Variants in KANSL1L observed in about 807,000 individuals in gnomAD.
KANSL1L encodes KAT8 regulatory NSL complex subunit 1-like protein.
Under a neutral mutation model 108.6 loss-of-function variants are expected in KANSL1L, and 25 were observed. That is an observed-to-expected ratio of 0.23 (90% CI 0.17 to 0.32). The LOEUF (loss-of-function observed/expected upper bound fraction) is 0.32. Among genes scored for constraint, KANSL1L ranks in the 10% least tolerant of loss-of-function variants. KANSL1L has a pLI of 1.00. For synonymous variants in KANSL1L, 405 were observed against 395.1 expected, an observed-to-expected ratio of 1.03 and a Z score of -0.30; for missense variants, 1,137 against 1,125.7, an observed-to-expected ratio of 1.01 and a Z score of -0.14.
chr2:210,065,579 ATTTT>A (rs57999970), intron 6 of KANSL1L, among the ~76,000 whole-genome samples: 3 of 64,916 alleles, frequency 4.6e-5, no homozygotes, highest in African/African-American at 5.4e-5. Flanking sequence ...CCTGGACATG[ATTTT>A]TTTTTTTTTT....
chr2:210,100,442 G>A (rs555269437), intron 4 of KANSL1L, among the ~76,000 whole-genome samples: 46 of 152,234 alleles, frequency 3.0e-4, no homozygotes, highest in African/African-American at 1.1e-3. Flanking sequence ...ATGAATCAAT[G>A]TTATTTTTTA....
intron 5 of KANSL1L, among the ~76,000 whole-genome samples, chr2:210,076,800 T>C (rs2094545796): frequency 6.6e-6 from 1 of 151,908 alleles, no homozygotes; most frequent in African/African-American, 2.4e-5. Context: ...ATATATACAA[T>C]AATTAAGCTT....
chr2:210,171,752 G>C (rs1688355510), upstream of KANSL1L: 1 of 152,040 alleles, frequency 6.6e-6, no homozygotes. Flanking sequence ...GGAAAAGTCA[G>C]GCGACTTCAT....
chr2:210,159,901 C>T (rs748394920), intron 1 of KANSL1L, among the ~76,000 whole-genome samples: 1 of 152,122 alleles, frequency 6.6e-6, no homozygotes, highest in East Asian at 1.9e-4. Context: ...CTGGGTGTGG[C>T]GGTGGGCACC....
intron 6 of KANSL1L, among the ~76,000 whole-genome samples, chr2:210,062,744 T>G (rs1459094639): frequency 6.6e-6 from 1 of 152,120 alleles, no homozygotes; most frequent in Non-Finnish European, 1.5e-5. Context: ...GGGTATCTGG[T>G]GGAAGAAATT....
rs1351893522 is a variant in KANSL1L, at chr2:210,079,650, A to G, written c.1551-3894T>C. 1.4e-3 allele frequency among the ~76,000 whole-genome samples: 28 copies of G among 19,512 alleles called. 1 individual carries two copies. Among genetic ancestry groups the G allele is most frequent in the African/African-American group, 4.4e-3 (25 of 5,742 alleles). The allele number at this position is 19,512 out of a possible 152,430, so 12.8% of individuals were successfully genotyped here. A position where few individuals can be genotyped will look rare whatever the true frequency, so the allele number is the denominator to read the frequency against. ...TATATATATATATATATATATATAT[A>G]TATATATATATATATGTATGTGTGT... is the stretch of plus-strand genomic sequence containing the variant. On this transcript the variant is annotated intron_variant, in intron 5 of 14. Coordinates refer to ENST00000281772, the MANE Select transcript of KANSL1L (RefSeq NM_152519.4).
chr2:210,075,734 G>C lies in KANSL1L; in HGVS notation c.1573C>G (p.Leu525Val), dbSNP rs778379195. Residue 525 changes from leucine (L) to valine (V), a missense_variant, in exon 6 of 15, where the codon CTG becomes GTG. Transcript: ENST00000281772. The part of the protein sequence containing the change: ...YRSASENLDE[L>V]SSSSSWLLNQ... ...AGTAACCAGCTACTGGAGGAAGACA[G>C]CTCATCTAAATTCTCTGATGCACTG... is the stretch of plus-strand genomic sequence containing the variant. 1.2e-6 allele frequency: 2 copies of C among 1,613,448 alleles called. No individual in the cohort carries two copies. Among genetic ancestry groups the C allele is most frequent in the Admixed American group, 3.3e-5 (2 of 59,972 alleles).
chr2:210,094,413 T>C (rs1013069844), intron 5 of KANSL1L, among the ~76,000 whole-genome samples: 1 of 152,040 alleles, frequency 6.6e-6, no homozygotes, highest in African/African-American at 2.4e-5. Context: ...CTAAAAACCT[T>C]TGAATCTGAA....
chr2:210,051,273 C>CT (rs1220455764), intron 6 of KANSL1L, among the ~76,000 whole-genome samples: 1 of 152,108 alleles, frequency 6.6e-6, no homozygotes, highest in Non-Finnish European at 1.5e-5. Flanking sequence ...TCCATATTCA[C>CT]TTTTGAATGT....
intron 3 of KANSL1L, among the ~76,000 whole-genome samples, chr2:210,113,260 C>T (rs1184966456): frequency 1.3e-5 from 2 of 151,992 alleles, no homozygotes. Context: ...GGGAGCCAGA[C>T]ATTAAAAGCA....
intron 5 of KANSL1L, chr2:210,096,719 T>C (rs1317374763): frequency 1.0e-6 from 1 of 956,264 alleles, no homozygotes; most frequent in Non-Finnish European, 1.2e-6. Flanking sequence ...ATAGTTATCC[T>C]ATACAATATG....
chr2:210,150,304 G>C (rs1186456524), intron 2 of KANSL1L, among the ~76,000 whole-genome samples: 1 of 151,766 alleles, frequency 6.6e-6, no homozygotes, highest in Non-Finnish European at 1.5e-5. Context: ...TGGCAGAGTT[G>C]GTGAAAAATA....
At chr2:210,133,484 T>C (rs1003815561) in intron 2 of KANSL1L, among the ~76,000 whole-genome samples, 3 of 152,114 alleles carry the variant, frequency 2.0e-5, no homozygotes, top group African/African-American at 7.2e-5. Flanking sequence ...CTGCTATTAG[T>C]ATTCTTCTAA....
intron 4 of KANSL1L, among the ~76,000 whole-genome samples, chr2:210,099,874 A>G (rs1415983820): frequency 6.6e-6 from 1 of 152,250 alleles, no homozygotes; most frequent in East Asian, 1.9e-4. Flanking sequence ...TGTGAATAAG[A>G]AAAGTAAAAT....
At position 210,025,159 on chromosome 2, in the gene KANSL1L, C is replaced by G. The variant is rs747995867; in HGVS notation, c.2509G>C (p.Glu837Gln). 3.1e-6 allele frequency: 5 copies of G among 1,613,562 alleles called. No homozygotes were observed. The highest frequency in any genetic ancestry group is 4.2e-6 in the Non-Finnish European group (5 of 1,179,492). Reference sequence around the variant, plus strand: ...TCCCATAGTGACCACCTGGCTTGCTCTCTCTCTTCATATTTTTTGTGCCTT... The same window carrying G: ...TCCCATAGTGACCACCTGGCTTGCTGTCTCTCTTCATATTTTTTGTGCCTT... Reference protein sequence around the residue: ...SLRHKKYEEREQARWSLWEQS... With the variant: ...SLRHKKYEERQQARWSLWEQS... The change falls in exon 13 of 15, where the codon GAG (glutamate) becomes CAG (glutamine). Residue 837 changes from glutamate to glutamine, a missense_variant. By Grantham distance (29) the Glu-to-Gln change is conservative. Transcript: ENST00000281772.
At chr2:210,145,835 G>A (rs965154725) in intron 2 of KANSL1L, among the ~76,000 whole-genome samples, 2 of 152,202 alleles carry the variant, frequency 1.3e-5, no homozygotes, top group Non-Finnish European at 2.9e-5. Context: ...GTGAGAGTAT[G>A]CATAGTGGGA....
intron 9 of KANSL1L, 98 bp from the exon 10 acceptor site, chr2:210,030,016 T>TTG (rs982320262): frequency 1.3e-4 from 74 of 552,982 alleles, no homozygotes; most frequent in Non-Finnish European, 1.9e-4. Flanking sequence ...ATTCCTTGTT[T>TTG]TGTGTGTGTG....
At chr2:210,109,015 T>A (rs75037129) in intron 3 of KANSL1L, among the ~76,000 whole-genome samples, 2,556 of 152,178 alleles carry the variant, frequency 0.017, 79 homozygotes, top group African/African-American at 0.059. Flanking sequence ...TTCAAACCTG[T>A]AAAAAACGCC....
intron 4 of KANSL1L, among the ~76,000 whole-genome samples, chr2:210,100,611 A>C (rs573458378): frequency 6.6e-6 from 1 of 152,110 alleles, no homozygotes; most frequent in African/African-American, 2.4e-5. Flanking sequence ...CCTACCACTT[A>C]ACTCACTCCT....
Sources: gnomAD v4.1 joint callset for allele counts (sites outside exome capture counted in the v4.1 genomes callset) on GRCh38, gnomAD v4.1.1 for gene constraint, MANE v1.5 for transcripts, NCBI Gene and HGNC (gene_info 2026-07-23, HGNC 2026-07-21) for gene names.